Variants in GRK3 observed in about 807,000 individuals in gnomAD.
The protein encoded by GRK3 is G protein-coupled receptor kinase 3, also known as adrenergic, beta, receptor kinase 2.
A neutral mutation model predicts 95.7 loss-of-function variants in GRK3; 54 were observed. The ratio of observed to expected loss-of-function variants is 0.56; its 90% confidence interval spans 0.45 to 0.71. GRK3 has a LOEUF of 0.71. Ranked by LOEUF, GRK3 falls within the 30% of genes least tolerant of loss-of-function variation. GRK3 has a pLI of 0.00. For synonymous variants in GRK3, 281 were observed against 290.8 expected (o/e 0.97, Z 0.34); for missense variants, 649 against 851.2 (o/e 0.76, Z 2.96).
chr22:25,662,560 C>A (rs77400646), intron 4 of GRK3, among the ~76,000 whole-genome samples: 1,588 of 152,288 alleles, frequency 0.01, 10 homozygotes, highest in Non-Finnish European at 0.016. Flanking sequence ...ATGTACAGTT[C>A]TTGCTGACAT....
At chr22:25,644,472 T>A in intron 2 of GRK3, 120 bp from the exon 3 acceptor site, 1 of 471,920 alleles carries the variant, frequency 2.1e-6, no homozygotes. Context: ...AATCTTTTTT[T>A]TAAAAAAAAA....
chr22:25,564,974 C>G lies in GRK3; in HGVS notation c.-67C>G, dbSNP rs1931393994. 2.3e-6 allele frequency: 1 copy of G among 434,222 alleles called. No homozygotes were observed. Among genetic ancestry groups the G allele is most frequent in the Non-Finnish European group, 3.1e-6 (1 of 317,548 alleles). The allele number at this position is 434,222 out of a possible 1,614,324, so 26.9% of individuals were successfully genotyped here. A position where few individuals can be genotyped will look rare whatever the true frequency, so the allele number is the denominator to read the frequency against. ...CCCCAGGTCGGGGCGCGGCGGGCGG[C>G]GGCGGCGGGCGCGCGTCCCGTCCAG... On this transcript the variant is annotated 5_prime_UTR_variant, in exon 1 of 21. Transcript: ENST00000324198.
Position 25,636,537 on chromosome 22 carries a change from A to G in GRK3, c.191-8055A>G, listed in dbSNP as rs115508749. 5.4e-3 allele frequency among the ~76,000 whole-genome samples: 828 copies of G among 152,302 alleles called. 7 individuals are homozygous for G. The highest frequency in any genetic ancestry group is 0.018 in the African/African-American group (743 of 41,566). The stretch of plus-strand genomic sequence containing the variant: ...CTAACTCATACTGCTGTGAAAGCAA[A>G]CCTACTAGCTAGAGTTAATATTTGT... On this transcript the variant is annotated intron_variant, in intron 2 of 20. Coordinates refer to ENST00000324198, the MANE Select transcript of GRK3 (RefSeq NM_005160.4).
At chr22:25,644,155 GT>G (rs547022325) in intron 2 of GRK3, among the ~76,000 whole-genome samples, 5 of 139,128 alleles carry the variant, frequency 3.6e-5, no homozygotes, top group African/African-American at 8.1e-5. Flanking sequence ...TTGTTTGTTT[GT>G]TTTTTTTTTA....
chr22:25,677,377 T>TAAAAAAAAAAAAAAAAAAA (rs376997700), intron 8 of GRK3, among the ~76,000 whole-genome samples: 1 of 42,554 alleles, frequency 2.3e-5, no homozygotes, highest in African/African-American at 1.0e-4. Context: ...CCCCATATCT[T>TAAAAAAAAAAAAAAAAAAA]AAAAAAAAAA....
At chr22:25,688,412 T>C (rs2085139317) in intron 11 of GRK3, among the ~76,000 whole-genome samples, 1 of 152,152 alleles carries the variant, frequency 6.6e-6, no homozygotes. Flanking sequence ...GCTTAGAAGC[T>C]GGTGAGCTAA....
chr22:25,607,228 T>A (rs923537898), intron 2 of GRK3, among the ~76,000 whole-genome samples: 2 of 152,288 alleles, frequency 1.3e-5, no homozygotes, highest in African/African-American at 4.8e-5. Context: ...GCTATATGCA[T>A]CTCTAAAAAG....
rs1190252285 is a variant in GRK3 at position 25,597,632 on chromosome 22, G to A, written c.114-6745G>A. On this transcript the variant is annotated intron_variant, in intron 1 of 20. Coordinates refer to ENST00000324198, the MANE Select transcript of GRK3 (RefSeq NM_005160.4). ...GAACCCCAAGCAGGGTAAAGGTAGG[G>A]AGAGAAAGCATACCTCTAGATGCAT... Among the ~76,000 whole-genome samples, 3 of 152,124 alleles carry A rather than the reference G, an allele frequency of 2.0e-5. No homozygotes were observed. In the East Asian group the frequency reaches 5.8e-4, roughly 29 times the overall value.
Position 25,564,701 on chromosome 22 carries a change from G to C in GRK3, c.-340G>C, listed in dbSNP as rs1364461640. ...CTTGGTCGGGAGGCGCCGGCCCAGC[G>C]AGGCCGCTGGGACTGTGCACTGAGG... On this transcript the variant is annotated 5_prime_UTR_variant, in exon 1 of 21. Transcript: ENST00000324198. 6.6e-6 allele frequency: 1 copy of C among 152,000 alleles called. No homozygotes were observed. The allele number at this position is 152,000 out of a possible 1,614,324, so 9.4% of individuals were successfully genotyped here.
chr22:25,599,740 A>G (rs1172980449), intron 1 of GRK3, among the ~76,000 whole-genome samples: 2 of 152,222 alleles, frequency 1.3e-5, no homozygotes, highest in Non-Finnish European at 2.9e-5. Flanking sequence ...TACAGAAGAT[A>G]CATGAATAGC....
intron 2 of GRK3, among the ~76,000 whole-genome samples, chr22:25,624,289 C>T (rs1224793608): frequency 3.9e-5 from 6 of 152,056 alleles, no homozygotes; most frequent in East Asian, 3.9e-4. Flanking sequence ...TCTGGCCAGG[C>T]GCGGTGGCTC....
At chr22:25,625,508 G>A (rs558941582) in intron 2 of GRK3, among the ~76,000 whole-genome samples, 457 of 152,266 alleles carry the variant, frequency 3.0e-3, no homozygotes, top group Non-Finnish European at 5.0e-3. Flanking sequence ...TAGCGGCAGC[G>A]AAAAGTGTCA....
chr22:25,576,637 C>T (rs1021588654), intron 1 of GRK3, among the ~76,000 whole-genome samples: 6 of 152,198 alleles, frequency 3.9e-5, no homozygotes, highest in Non-Finnish European at 5.9e-5. Context: ...TGCTCAAGGT[C>T]GCGCTGATAA....
Position 25,728,775 on chromosome 22 carries a change from A to C in GRK3, c.*6325A>C, listed in dbSNP as rs148662086. ...GTCTTAAAGGTAAGCGCCCTCATAC[A>C]TGACTGAAACTTTGTGAGAGGTCTT... is the stretch of plus-strand genomic sequence containing the variant. On this transcript the variant is annotated 3_prime_UTR_variant, in exon 21 of 21. Coordinates refer to ENST00000324198, the MANE Select transcript of GRK3 (RefSeq NM_005160.4). 5.1e-4 allele frequency: 78 copies of C among 152,292 alleles called. No individual in the cohort carries two copies. The highest frequency in any genetic ancestry group is 1.8e-3 in the African/African-American group (75 of 41,566). 9.4% of individuals were successfully genotyped at this position (152,292 alleles called of 1,614,324 possible). A position where few individuals can be genotyped will look rare whatever the true frequency, so the allele number is the denominator to read the frequency against.
intron 3 of GRK3, among the ~76,000 whole-genome samples, chr22:25,654,667 A>G (rs2084857464): frequency 6.6e-6 from 1 of 152,196 alleles, no homozygotes; most frequent in Non-Finnish European, 1.5e-5. Context: ...AGCATTTACT[A>G]AGTCACCTTG....
chr22:25,692,119 A>G (rs1284022921), intron 12 of GRK3, among the ~76,000 whole-genome samples: 1 of 152,064 alleles, frequency 6.6e-6, no homozygotes, highest in African/African-American at 2.4e-5. Flanking sequence ...ATGTGCCCCA[A>G]CATTCAGCTA....
chr22:25,627,444 A>G (rs2084635984), intron 2 of GRK3, among the ~76,000 whole-genome samples: 1 of 151,956 alleles, frequency 6.6e-6, no homozygotes, highest in African/African-American at 2.4e-5. Flanking sequence ...TTGAAGTCAC[A>G]CTCTTTCCTT....
intron 6 of GRK3, among the ~76,000 whole-genome samples, chr22:25,671,013 C>T (rs1470453401): frequency 4.7e-5 from 7 of 149,182 alleles, no homozygotes; most frequent in East Asian, 2.0e-4. Context: ...GAGATCGCGC[C>T]GCTGCACTAC....
rs562333016 is a variant in GRK3 at position 25,718,535 on chromosome 22, T to G, written c.1791+154T>G. ...GAGATTGTAATGTGCAAACTTTAACTTGTTTTTAAACTTCCAAGTCAAGGA... is the reference window on the plus strand; with the variant it reads ...GAGATTGTAATGTGCAAACTTTAACGTGTTTTTAAACTTCCAAGTCAAGGA... On this transcript the variant is annotated intron_variant, in intron 19 of 20. Coordinates refer to ENST00000324198, the MANE Select transcript of GRK3 (RefSeq NM_005160.4). Among the ~76,000 whole-genome samples, 147 of 152,268 alleles carry G rather than the reference T, an allele frequency of 9.7e-4. 1 individual carries two copies. Among genetic ancestry groups the G allele is most frequent in the Admixed American group, 9.2e-4 (14 of 15,284 alleles).
Sources: allele counts gnomAD v4.1 joint callset (sites outside exome capture counted in the v4.1 genomes callset), GRCh38; gene constraint gnomAD v4.1.1; transcripts MANE v1.5; gene names NCBI Gene and HGNC (gene_info 2026-07-23, HGNC 2026-07-21).